The following GRIK2 variants were observed in gnomAD, a reference collection of about 807,000 sequenced individuals.
The protein encoded by GRIK2 is glutamate receptor ionotropic, kainate 2.
GRIK2 carries 32 observed loss-of-function variants against 100.3 expected under a neutral mutation model. The observed-to-expected ratio is 0.32, with a 90% CI of 0.24 to 0.43. The LOEUF is 0.43. Ranked by LOEUF, GRIK2 falls within the 20% of genes least tolerant of loss-of-function variation. The pLI is 1.00. For synonymous variants in GRIK2, 417 were observed against 389.4 expected, an observed-to-expected ratio of 1.07 and a Z score of -0.83; for missense variants, 843 against 1,114.9, an observed-to-expected ratio of 0.76 and a Z score of 3.47.
rs962969108 is a variant in GRIK2, at chr6:102,051,251, C to T, written c.2312-4079C>T. On this transcript the variant is annotated intron_variant, in intron 15 of 16. Transcript: ENST00000369134. ...ACTATGACTGCCTGCTTCCCTCCCT[C>T]CCTTCCTTCCTTCCTTCCTTCCTTC... Among the ~76,000 whole-genome samples the T allele has an allele frequency of 9.0e-5, 11 of 122,140 alleles. No homozygotes were observed. In the East Asian group the frequency reaches 1.7e-3, roughly 19 times the overall value. The allele number at this position is 122,140 out of a possible 152,430, so 80.1% of individuals were successfully genotyped here. A position where few individuals can be genotyped will look rare whatever the true frequency, so the allele number is the denominator to read the frequency against.
At chr6:101,796,183 G>T (rs1282584402) in intron 7 of GRIK2, among the ~76,000 whole-genome samples, 1 of 152,108 alleles carries the variant, frequency 6.6e-6, no homozygotes, top group East Asian at 1.9e-4. Flanking sequence ...TTACTTAGCT[G>T]CTGTCTGCCT....
Position 101,857,260 on chromosome 6 carries a change from C to A in GRIK2, c.1318-2027C>A, listed in dbSNP as rs540590697. On this transcript the variant is annotated intron_variant, in intron 10 of 16. Coordinates refer to ENST00000369134, the MANE Select transcript of GRIK2 (RefSeq NM_021956.5). Reference sequence around the variant, plus strand: ...GCAATGTCATCAGGGTACAGTCCAGCAGAGCAGGGAGATAAAATGGTCATT... The same window carrying A: ...GCAATGTCATCAGGGTACAGTCCAGAAGAGCAGGGAGATAAAATGGTCATT... Among the ~76,000 whole-genome samples, 156 of 152,216 alleles carry A rather than the reference C, an allele frequency of 1.0e-3. 1 individual carries two copies. The highest frequency in any genetic ancestry group is 3.5e-3 in the African/African-American group (145 of 41,546).
At chr6:101,846,738 T>C (rs968218542) in intron 10 of GRIK2, among the ~76,000 whole-genome samples, 1 of 152,072 alleles carries the variant, frequency 6.6e-6, no homozygotes, top group African/African-American at 2.4e-5. Context: ...GAAGTTTTGA[T>C]AGCAGTGTCT....
rs137983827 is a variant in GRIK2 at position 101,652,894 on chromosome 6, T to TTTTTTGTG, written c.542-23727_542-23726insTTTGTGTT. On this transcript the variant is annotated intron_variant, in intron 4 of 16. Coordinates refer to ENST00000369134, the MANE Select transcript of GRIK2 (RefSeq NM_021956.5). ...CTTGAGGAGTTGAAATGCGTTTGTG[T>TTTTTTGTG]TTGCCATAGGAAAGAGGAAGAGAAC... Among the ~76,000 whole-genome samples, 1,511 of 152,136 alleles carry TTTTTTGTG rather than the reference T, an allele frequency of 9.9e-3. 11 individuals are homozygous for TTTTTTGTG. The highest frequency in any genetic ancestry group is 0.026 in the African/African-American group (1,066 of 41,516).
intron 7 of GRIK2, among the ~76,000 whole-genome samples, chr6:101,794,803 C>A (rs1001524098): frequency 4.0e-5 from 6 of 148,566 alleles, no homozygotes; most frequent in African/African-American, 9.9e-5. Flanking sequence ...TTTTTTATTT[C>A]TTGTGTCCTT....
At chr6:101,889,943 A>G (rs908972224) in intron 12 of GRIK2, 80 bp downstream of exon 12, 4 of 807,886 alleles carry the variant, frequency 5.0e-6, no homozygotes, top group East Asian at 4.9e-5. Context: ...GTCACAATCA[A>G]TTTTACTTTT....
At chr6:101,757,782 C>T (rs537186079) in intron 7 of GRIK2, among the ~76,000 whole-genome samples, 1 of 152,306 alleles carries the variant, frequency 6.6e-6, no homozygotes, top group African/African-American at 2.4e-5. Context: ...TAGTGGTCTG[C>T]AAATGGAAAA....
chr6:101,722,500 C>T (rs768706804), intron 7 of GRIK2, among the ~76,000 whole-genome samples: 19 of 151,898 alleles, frequency 1.3e-4, no homozygotes, highest in African/African-American at 3.6e-4. Context: ...TGTATAAATA[C>T]GGTAAATAGA....
chr6:101,486,253 G>A (rs1467677227), intron 2 of GRIK2, among the ~76,000 whole-genome samples: 1 of 152,018 alleles, frequency 6.6e-6, no homozygotes, highest in Admixed American at 6.6e-5. Flanking sequence ...CAGTTTGAGA[G>A]GATTTGAAGG....
At chr6:101,936,561 C>G (rs530646461) in intron 14 of GRIK2, among the ~76,000 whole-genome samples, 46 of 151,988 alleles carry the variant, frequency 3.0e-4, no homozygotes, top group Non-Finnish European at 5.7e-4. Flanking sequence ...TGTCTCCCTC[C>G]CCCTTTCCTC....
chr6:101,837,979 A>C (rs777360978), intron 10 of GRIK2, among the ~76,000 whole-genome samples: 11 of 152,150 alleles, frequency 7.2e-5, no homozygotes, highest in Non-Finnish European at 1.6e-4. Flanking sequence ...TAGGAAGGTC[A>C]CTTTCTTTTC....
intron 2 of GRIK2, among the ~76,000 whole-genome samples, chr6:101,531,917 C>G (rs973268032): frequency 6.6e-6 from 1 of 151,940 alleles, no homozygotes; most frequent in East Asian, 1.9e-4. Flanking sequence ...CTCATAATTG[C>G]TCTTGGAACA....
At chr6:101,704,948 T>G (rs1773151900) in intron 7 of GRIK2, among the ~76,000 whole-genome samples, 1 of 146,880 alleles carries the variant, frequency 6.8e-6, no homozygotes, top group South Asian at 2.1e-4. Context: ...TGTATCTATA[T>G]CCACATTTCT....
At chr6:102,051,253 C>CTTCCTTCTTTCT (rs71817436) in intron 15 of GRIK2, among the ~76,000 whole-genome samples, 1 of 59,130 alleles carries the variant, frequency 1.7e-5, no homozygotes, top group Admixed American at 1.7e-4. Context: ...CCCTCCCTCC[C>CTTCCTTCTTTCT]TTCCTTCCTT....
At chr6:101,919,745 G>A (rs1185858071) in intron 12 of GRIK2, among the ~76,000 whole-genome samples, 2 of 151,774 alleles carry the variant, frequency 1.3e-5, no homozygotes, top group African/African-American at 4.8e-5. Flanking sequence ...CATGTCAGAA[G>A]TTCAAAGGGA....
At chr6:101,467,814 T>C (rs897985100) in intron 2 of GRIK2, among the ~76,000 whole-genome samples, 2 of 152,040 alleles carry the variant, frequency 1.3e-5, no homozygotes, top group African/African-American at 4.8e-5. Flanking sequence ...ATAGAACCTC[T>C]ATAATGAAAA....
chr6:101,509,751 A>C (rs1774206309), intron 2 of GRIK2, among the ~76,000 whole-genome samples: 1 of 152,240 alleles, frequency 6.6e-6, no homozygotes, highest in South Asian at 2.1e-4. Context: ...AGAAAGCAAC[A>C]CATGGATTCC....
chr6:101,868,672 A>G (rs1785200969), intron 11 of GRIK2, among the ~76,000 whole-genome samples: 1 of 151,844 alleles, frequency 6.6e-6, no homozygotes, highest in Non-Finnish European at 1.5e-5. Flanking sequence ...AAAAAAAGGA[A>G]AATCATAGCA....
intron 10 of GRIK2, among the ~76,000 whole-genome samples, chr6:101,838,785 G>A (rs1268062905): frequency 6.6e-6 from 1 of 151,612 alleles, no homozygotes; most frequent in Non-Finnish European, 1.5e-5. Context: ...CCAAGTAGCT[G>A]GGATTACAGC....
Sources: gnomAD v4.1 joint callset for allele counts (sites outside exome capture counted in the v4.1 genomes callset) on GRCh38, gnomAD v4.1.1 for gene constraint, MANE v1.5 for transcripts, NCBI Gene and HGNC (gene_info 2026-07-23, HGNC 2026-07-21) for gene names.